The following USP32 variants were observed in gnomAD, a reference collection of about 807,000 sequenced individuals.
The protein encoded by USP32 is ubiquitin specific peptidase 32.
Under a neutral mutation model 204.8 loss-of-function variants are expected in USP32, and 59 were observed. The observed-to-expected ratio is 0.29, with a 90% CI of 0.23 to 0.36. The LOEUF is 0.36. Among genes scored for constraint, USP32 ranks in the 10% least tolerant of loss-of-function variants. The pLI is 1.00. For missense variants in USP32, 1,160 were observed against 1,946.4 expected, an observed-to-expected ratio of 0.60 and a Z score of 7.60; for synonymous variants, 517 against 678.4, an observed-to-expected ratio of 0.76 and a Z score of 3.70.
chr17:60,184,666 GGGTGGTAGT>G (rs2084202935), intron 30 of USP32, among the ~76,000 whole-genome samples: 1 of 151,822 alleles, frequency 6.6e-6, no homozygotes, highest in Admixed American at 6.6e-5. Context: ...AAAATTAGCC[GGGTGGTAGT>G]GGTGCATGCC....
At chr17:60,399,981 T>C (rs952701523) in intron 1 of USP32, among the ~76,000 whole-genome samples, 8 of 152,148 alleles carry the variant, frequency 5.3e-5, no homozygotes, top group African/African-American at 1.9e-4. Context: ...TCTTTTTTTT[T>C]TGAGATGGAG....
At chr17:60,384,620 C>T (rs2089698257) in intron 1 of USP32, among the ~76,000 whole-genome samples, 2 of 151,926 alleles carry the variant, frequency 1.3e-5, no homozygotes, top group African/African-American at 2.4e-5. Flanking sequence ...GAAGAAACTC[C>T]GTCTCTACTG....
intron 2 of USP32, among the ~76,000 whole-genome samples, chr17:60,343,182 G>A (rs909320752): frequency 3.3e-5 from 5 of 152,062 alleles, no homozygotes; most frequent in African/African-American, 1.2e-4. Context: ...AAGAGACTTG[G>A]ACTCCCACAC....
At chr17:60,263,248 T>C (rs984897943) in intron 9 of USP32, among the ~76,000 whole-genome samples, 2 of 152,120 alleles carry the variant, frequency 1.3e-5, no homozygotes, top group African/African-American at 4.8e-5. Context: ...ATGCCCAGCC[T>C]CAACTTCTAA....
chr17:60,235,791 C>G (rs1449018984), intron 12 of USP32, among the ~76,000 whole-genome samples: 1 of 152,196 alleles, frequency 6.6e-6, no homozygotes, highest in Non-Finnish European at 1.5e-5. Context: ...CTTTTTCTTT[C>G]AGCACCAGGT....
At chr17:60,291,611 T>C (rs2087279847) in intron 4 of USP32, among the ~76,000 whole-genome samples, 1 of 152,012 alleles carries the variant, frequency 6.6e-6, no homozygotes, top group African/African-American at 2.4e-5. Context: ...TTATTGAAGG[T>C]CTGAATTAAC....
At chr17:60,405,197 TTTTTTG>T (rs761497059) in intron 1 of USP32, among the ~76,000 whole-genome samples, 19 of 151,882 alleles carry the variant, frequency 1.3e-4, no homozygotes, top group Admixed American at 2.0e-4. Flanking sequence ...AAGCTGTTAG[TTTTTTG>T]TTTTTGTTTT....
chr17:60,323,303 T>C (rs1160127250), intron 2 of USP32, among the ~76,000 whole-genome samples: 1 of 152,154 alleles, frequency 6.6e-6, no homozygotes, highest in Non-Finnish European at 1.5e-5. Context: ...TGAAATATTA[T>C]TCAACAATAA....
At chr17:60,342,006 C>A (rs57640850) in intron 2 of USP32, among the ~76,000 whole-genome samples, 1 of 152,154 alleles carries the variant, frequency 6.6e-6, no homozygotes, top group African/African-American at 2.4e-5. Flanking sequence ...GAATTTTCAG[C>A]TTTTCTGCTC....
chr17:60,225,955 A>C, intron 13 of USP32, 84 bp downstream of exon 13: 1 of 634,864 alleles, frequency 1.6e-6, no homozygotes, highest in Non-Finnish European at 2.1e-6. Flanking sequence ...TCAGTCTCAA[A>C]AAAAAAAAAA....
chr17:60,329,403 A>G (rs1242379661), intron 2 of USP32, among the ~76,000 whole-genome samples: 1 of 151,982 alleles, frequency 6.6e-6, no homozygotes, highest in African/African-American at 2.4e-5. Context: ...AGACCATAAA[A>G]TGTTTATAGA....
intron 11 of USP32, among the ~76,000 whole-genome samples, chr17:60,243,088 T>G (rs1332029440): frequency 6.6e-6 from 1 of 152,222 alleles, no homozygotes; most frequent in Non-Finnish European, 1.5e-5. Context: ...TGAATTTGTT[T>G]CCAAGGGTTT....
intron 5 of USP32, among the ~76,000 whole-genome samples, chr17:60,288,309 G>A (rs1307498471): frequency 2.0e-5 from 3 of 151,780 alleles, no homozygotes; most frequent in South Asian, 2.1e-4. Context: ...GCATGGTGGC[G>A]AGTGCCTGTA....
chr17:60,219,532 C>T, intron 16 of USP32, 138 bp downstream of exon 16: 1 of 1,248,564 alleles, frequency 8.0e-7, no homozygotes, highest in South Asian at 1.5e-5. Flanking sequence ...AATACAGTGG[C>T]ACCAGACTTC....
At chr17:60,185,330 TA>T in intron 30 of USP32, 129 bp downstream of exon 30, 1 of 1,076,590 alleles carries the variant, frequency 9.3e-7, no homozygotes, top group Non-Finnish European at 1.3e-6. Context: ...AAAAAGCTTG[TA>T]CAGAAAGTGT....
intron 9 of USP32, among the ~76,000 whole-genome samples, chr17:60,264,774 C>T (rs918139500): frequency 1.4e-5 from 2 of 145,396 alleles, no homozygotes; most frequent in African/African-American, 5.2e-5. Context: ...GCAAGAAAAT[C>T]ACTTGAAGCC....
rs2085121226 is a variant in USP32, at chr17:60,217,042, G to A, written c.1868-2268C>T. ...CTGAAATATGCAGTTCTAGGATTCA[G>A]AAGCATATAAGTATAGTATTCAAGT... On this transcript the variant is annotated intron_variant, in intron 16 of 33. Transcript: ENST00000300896. Among the ~76,000 whole-genome samples, 6 of 152,260 alleles carry A rather than the reference G, an allele frequency of 3.9e-5. No homozygotes were observed. The South Asian group carries it at 1.2e-3, about 32-fold the overall frequency.
At chr17:60,273,256 C>T (rs1489433453) in intron 5 of USP32, among the ~76,000 whole-genome samples, 1 of 152,140 alleles carries the variant, frequency 6.6e-6, no homozygotes, top group African/African-American at 2.4e-5. Flanking sequence ...TACTTACAGG[C>T]ATGAGTCACC....
At chr17:60,326,349 C>T (rs1394930471) in intron 2 of USP32, among the ~76,000 whole-genome samples, 1 of 151,280 alleles carries the variant, frequency 6.6e-6, no homozygotes, top group Non-Finnish European at 1.5e-5. Flanking sequence ...TCGCTCTCGT[C>T]GCCCCGGCTC....
Sources: allele counts gnomAD v4.1 joint callset (sites outside exome capture counted in the v4.1 genomes callset), GRCh38; gene constraint gnomAD v4.1.1; transcripts MANE v1.5; gene names NCBI Gene and HGNC (gene_info 2026-07-23, HGNC 2026-07-21).